PACS1: variants seen among roughly 807,000 people sequenced by gnomAD.
PACS1 encodes phosphofurin acidic cluster sorting protein 1, also known as PACS-1.
In PACS1, 24 loss-of-function variants were observed where a neutral mutation model predicts 115.0. That is an observed-to-expected ratio of 0.21 (90% CI 0.15 to 0.29). The LOEUF (loss-of-function observed/expected upper bound fraction) is 0.29. Among genes scored for constraint, PACS1 ranks in the 10% least tolerant of loss-of-function variants. PACS1 has a pLI of 1.00. For missense variants in PACS1, 838 were observed against 1,251.2 expected, an observed-to-expected ratio of 0.67 and a Z score of 4.98; for synonymous variants, 453 against 504.5, an observed-to-expected ratio of 0.90 and a Z score of 1.37.
At position 66,070,325 on chromosome 11, in the gene PACS1, C is replaced by G. The variant is rs1460598248; in HGVS notation, c.-162C>G. The G allele has an allele frequency of 5.0e-5, 12 of 239,864 alleles. No homozygotes were observed. Among genetic ancestry groups the G allele is most frequent in the African/African-American group, 2.3e-4 (10 of 43,082 alleles). 14.9% of individuals were successfully genotyped at this position (239,864 alleles called of 1,614,324 possible). On this transcript the variant is annotated 5_prime_UTR_variant, in exon 1 of 24. Transcript: ENST00000320580. This position sits in a 1 kb window ranked among gnomAD's most constrained non-coding sequence, Gnocchi z 5.9. Reference sequence around the variant, plus strand: ...GGCAGCGGCGGTCGAGCGCGAGGCCCGCGCGCCCAGAGGCCCCGCGCGTGC... The same window carrying G: ...GGCAGCGGCGGTCGAGCGCGAGGCCGGCGCGCCCAGAGGCCCCGCGCGTGC...
chr11:66,233,771 C>T lies in PACS1; in HGVS notation c.1839-14C>T, dbSNP rs1855649536. ...ACCCCTGAGCACTGCTATGACGCTC[C>T]CCTTCCTCCCCAGCTGCAACTGCAA... On this transcript the variant is annotated splice_polypyrimidine_tract_variant and intron_variant, in intron 15 of 23. Transcript: ENST00000320580. This position sits in a 1 kb window ranked among gnomAD's most constrained non-coding sequence, Gnocchi z 4.5. The T allele has an allele frequency of 6.2e-7, 1 of 1,611,790 alleles. No individual in the cohort carries two copies. The highest frequency in any genetic ancestry group is 2.2e-5 in the East Asian group (1 of 44,864).
In PACS1 at chr11:66,238,844, C is replaced by G. The variant is rs774147667; in HGVS notation, c.2291C>G (p.Ala764Gly). The change falls in exon 20 of 24, where the codon GCA becomes GGA. Residue 764 changes from alanine (A) to glycine (G), a missense_variant and splice_region_variant. Coordinates refer to ENST00000320580, the MANE Select transcript of PACS1 (RefSeq NM_018026.4). ...VGLVEDSPST[A>G]GDGDDSPVVS... ...CTGGTTGAAGACTCTCCCTCCACAG[C>G]AGGTGAGGCTGGGGCTCCCTTGTTC... 56 of 1,581,220 alleles carry G rather than the reference C, an allele frequency of 3.5e-5. No individual in the cohort carries two copies. Among genetic ancestry groups the G allele is most frequent in the Non-Finnish European group, 4.6e-5 (53 of 1,161,564 alleles).
At chr11:66,199,502 T>TA (rs950725095) in intron 2 of PACS1, among the ~76,000 whole-genome samples, 1 of 151,150 alleles carries the variant, frequency 6.6e-6, no homozygotes, top group Non-Finnish European at 1.5e-5. Context: ...CTAAAACAGA[T>TA]ACACAAAAAA....
intron 1 of PACS1, among the ~76,000 whole-genome samples, chr11:66,175,537 G>A (rs1457010137): frequency 6.6e-6 from 1 of 152,018 alleles, no homozygotes; most frequent in Non-Finnish European, 1.5e-5. Context: ...CTGTTTTCTA[G>A]GTCTAACTTT....
chr11:66,179,600 T>C (rs1859954071), intron 1 of PACS1, among the ~76,000 whole-genome samples: 1 of 152,160 alleles, frequency 6.6e-6, no homozygotes, highest in Non-Finnish European at 1.5e-5. Context: ...TCAGAGGAAA[T>C]GTATCTTGAC....
chr11:66,188,144 G>A (rs1287616515), intron 1 of PACS1, among the ~76,000 whole-genome samples: 1 of 144,358 alleles, frequency 6.9e-6, no homozygotes, highest in African/African-American at 2.6e-5. Context: ...ATCGTTTGGC[G>A]ATTTTTTTAA....
intron 1 of PACS1, among the ~76,000 whole-genome samples, chr11:66,111,901 C>T (rs1299232437): frequency 6.6e-6 from 1 of 152,172 alleles, no homozygotes; most frequent in Non-Finnish European, 1.5e-5. Context: ...CTGCCTTGGC[C>T]TCTCAAAGTG....
chr11:66,186,639 G>A (rs1401732468), intron 1 of PACS1, among the ~76,000 whole-genome samples: 1 of 152,202 alleles, frequency 6.6e-6, no homozygotes, highest in Non-Finnish European at 1.5e-5. Context: ...GTTTACTGAT[G>A]TATCACAAGT....
rs57675227 is a variant in PACS1, at chr11:66,243,535, T to G, written c.*255T>G. 3.3e-3 allele frequency: 1,726 copies of G among 522,796 alleles called. 26 individuals carry two copies. The highest frequency in any genetic ancestry group is 0.029 in the African/African-American group (1,533 of 52,448). 32.4% of individuals were successfully genotyped at this position (522,796 alleles called of 1,614,324 possible). A position where few individuals can be genotyped will look rare whatever the true frequency, so the allele number is the denominator to read the frequency against. ...TGCTCCAGGCCCAAGGCGTGTTGGT[T>G]TTGCCTTCTGGTGCCCATAGTCCCC... On this transcript the variant is annotated 3_prime_UTR_variant, in exon 24 of 24. Transcript: ENST00000320580.
chr11:66,175,850 G>A (rs1412585793), intron 1 of PACS1, among the ~76,000 whole-genome samples: 1 of 152,174 alleles, frequency 6.6e-6, no homozygotes, highest in Non-Finnish European at 1.5e-5. Context: ...CATCCTGTAG[G>A]TTGAAATATC....
chr11:66,230,966 C>T, intron 13 of PACS1, 26 bp downstream of exon 13: 1 of 1,613,174 alleles, frequency 6.2e-7, no homozygotes, highest in Non-Finnish European at 8.5e-7. Context: ...CCCAAAACAC[C>T]AGGACCCTCT....
intron 2 of PACS1, among the ~76,000 whole-genome samples, chr11:66,202,742 A>ATATATATATATAT (rs1554988696): frequency 2.8e-5 from 2 of 71,592 alleles, no homozygotes; most frequent in African/African-American, 8.0e-5. Flanking sequence ...AAAAAAAAAA[A>ATATATATATATAT]ATATATATAT....
intron 1 of PACS1, among the ~76,000 whole-genome samples, chr11:66,105,351 A>C (rs754054791): frequency 6.6e-6 from 1 of 152,182 alleles, no homozygotes; most frequent in African/African-American, 2.4e-5. Flanking sequence ...TGAACCGGGG[A>C]GGCAGAGGTT....
chr11:66,165,889 T>A (rs1249002695), intron 1 of PACS1, among the ~76,000 whole-genome samples: 1 of 152,122 alleles, frequency 6.6e-6, no homozygotes, highest in Non-Finnish European at 1.5e-5. Context: ...CACACTTAAA[T>A]CCAGCTTTAC....
At chr11:66,128,813 G>A (rs1341410665) in intron 1 of PACS1, among the ~76,000 whole-genome samples, 1 of 151,918 alleles carries the variant, frequency 6.6e-6, no homozygotes, top group Non-Finnish European at 1.5e-5. Context: ...GAACCCGTGA[G>A]GCGGAGGTTG....
At chr11:66,195,415 C>T (rs1276240575) in intron 2 of PACS1, among the ~76,000 whole-genome samples, 1 of 152,066 alleles carries the variant, frequency 6.6e-6, no homozygotes, top group Non-Finnish European at 1.5e-5. Context: ...GATTTTGGTC[C>T]CCATTTCTAG....
intron 1 of PACS1, among the ~76,000 whole-genome samples, chr11:66,073,339 A>G (rs1331935978): frequency 6.6e-6 from 1 of 152,230 alleles, no homozygotes; most frequent in Non-Finnish European, 1.5e-5. Context: ...GGAGGGATTA[A>G]CATTCTTGTC....
chr11:66,142,583 C>T (rs369097563), intron 1 of PACS1, among the ~76,000 whole-genome samples: 16 of 143,170 alleles, frequency 1.1e-4, no homozygotes, highest in South Asian at 2.2e-4. Context: ...GCTGGGACTA[C>T]AGGCGTGAGG....
At chr11:66,183,863 G>A (rs1345835454) in intron 1 of PACS1, among the ~76,000 whole-genome samples, 1 of 152,156 alleles carries the variant, frequency 6.6e-6, no homozygotes, top group Non-Finnish European at 1.5e-5. Context: ...TAGAAAAGGG[G>A]TGGTAACCTG....
Sources: gnomAD v4.1 joint callset for allele counts (sites outside exome capture counted in the v4.1 genomes callset) on GRCh38, gnomAD v4.1.1 for gene constraint, Gnocchi (gnomAD v3.1) non-coding constraint, MANE v1.5 for transcripts, NCBI Gene and HGNC (gene_info 2026-07-23, HGNC 2026-07-21) for gene names.